SLC16A9: variants seen among roughly 807,000 people sequenced by gnomAD.
The protein encoded by SLC16A9 is solute carrier family 16 member 9.
In SLC16A9, 26 loss-of-function variants were observed where a neutral mutation model predicts 44.3. The ratio of observed to expected loss-of-function variants is 0.59; its 90% CI spans 0.43 to 0.81. The LOEUF (loss-of-function observed/expected upper bound fraction) is 0.81. Among genes scored for constraint, SLC16A9 ranks in the 40% least tolerant of loss-of-function variants. The pLI is 0.00. For missense variants in SLC16A9, 559 were observed against 595.8 expected, an observed-to-expected ratio of 0.94 and a Z score of 0.64; for synonymous variants, 230 against 225.1, an observed-to-expected ratio of 1.02 and a Z score of -0.19.
intron 1 of SLC16A9, among the ~76,000 whole-genome samples, chr10:59,704,258 TC>T (rs532550844): frequency 9.9e-5 from 15 of 152,224 alleles, no homozygotes; most frequent in Non-Finnish European, 1.8e-4. Flanking sequence ...ACCTGTGCTA[TC>T]CCCCATACCT....
chr10:59,706,711 G>A (rs929085527), intron 1 of SLC16A9, among the ~76,000 whole-genome samples: 1 of 151,614 alleles, frequency 6.6e-6, no homozygotes, highest in Non-Finnish European at 1.5e-5. Context: ...GGTGGCTCAC[G>A]CCTGTAATCC....
intron 1 of SLC16A9, among the ~76,000 whole-genome samples, 157 bp downstream of exon 1, chr10:59,709,322 G>A (rs890771877): frequency 1.3e-5 from 2 of 152,152 alleles, no homozygotes; most frequent in Admixed American, 1.3e-4. Flanking sequence ...GACACTCGAA[G>A]CCCCCGGCAC....
chr10:59,692,450 T>C (rs906488490), intron 1 of SLC16A9, among the ~76,000 whole-genome samples: 1 of 152,194 alleles, frequency 6.6e-6, no homozygotes, highest in African/African-American at 2.4e-5. Flanking sequence ...CTTTGTGGGA[T>C]GATGAAAACA....
chr10:59,695,821 G>C (rs10993966), intron 1 of SLC16A9, among the ~76,000 whole-genome samples: 1 of 152,202 alleles, frequency 6.6e-6, no homozygotes, highest in Admixed American at 6.5e-5. Flanking sequence ...GTCAACATCA[G>C]TGTCCTTGGG....
intron 3 of SLC16A9, among the ~76,000 whole-genome samples, chr10:59,672,045 G>A (rs1357888932): frequency 6.6e-6 from 1 of 152,184 alleles, no homozygotes; most frequent in African/African-American, 2.4e-5. Context: ...CAGGCATTAA[G>A]AAGAAACTTG....
chr10:59,680,128 C>G (rs1417953390), intron 2 of SLC16A9, among the ~76,000 whole-genome samples: 3 of 152,070 alleles, frequency 2.0e-5, no homozygotes, highest in Non-Finnish European at 2.9e-5. Context: ...AATGTATAAC[C>G]CAGGAGGGTA....
intron 1 of SLC16A9, among the ~76,000 whole-genome samples, chr10:59,707,849 T>C (rs1203930081): frequency 1.3e-5 from 2 of 152,186 alleles, no homozygotes; most frequent in African/African-American, 2.4e-5. Context: ...CACCATAATG[T>C]GTCCTGATAA....
intron 5 of SLC16A9, among the ~76,000 whole-genome samples, chr10:59,653,389 G>A (rs1295514033): frequency 8.5e-6 from 1 of 118,222 alleles, no homozygotes; most frequent in Admixed American, 1.3e-4. Context: ...TCACGCAATT[G>A]CACTCCAGCC....
chr10:59,701,176 C>A (rs1588999032), intron 1 of SLC16A9, among the ~76,000 whole-genome samples: 1 of 152,326 alleles, frequency 6.6e-6, no homozygotes, highest in East Asian at 1.9e-4. Flanking sequence ...TCATTGCATT[C>A]CAGCTCTTCC....
At chr10:59,664,694 C>T (rs923894047) in intron 3 of SLC16A9, among the ~76,000 whole-genome samples, 2 of 152,124 alleles carry the variant, frequency 1.3e-5, no homozygotes, top group African/African-American at 4.8e-5. Flanking sequence ...CAAGTCCTTG[C>T]CCCCAGCTCA....
chr10:59,691,604 A>G (rs139538396), intron 1 of SLC16A9, among the ~76,000 whole-genome samples: 13 of 152,358 alleles, frequency 8.5e-5, no homozygotes, highest in African/African-American at 2.9e-4. Context: ...AAAGGATAGT[A>G]TATCTCCTAA....
At chr10:59,665,948 C>T (rs1839605370) in intron 3 of SLC16A9, among the ~76,000 whole-genome samples, 1 of 151,942 alleles carries the variant, frequency 6.6e-6, no homozygotes, top group African/African-American at 2.4e-5. Flanking sequence ...GATTACCTCA[C>T]TTTTTTTTAA....
At chr10:59,657,832 C>A (rs1055154697) in intron 4 of SLC16A9, among the ~76,000 whole-genome samples, 2 of 152,126 alleles carry the variant, frequency 1.3e-5, no homozygotes, top group Non-Finnish European at 2.9e-5. Context: ...AATTCTAAGC[C>A]ACCCAGCCAG....
chr10:59,659,811 C>T (rs1839431046), intron 4 of SLC16A9, among the ~76,000 whole-genome samples: 1 of 152,166 alleles, frequency 6.6e-6, no homozygotes, highest in African/African-American at 2.4e-5. Flanking sequence ...TCTCAGACCA[C>T]AGTGCAATCA....
rs1839232285 is a variant in SLC16A9 at position 59,652,734 on chromosome 10, G to A, written c.*38C>T. 1 of 1,532,148 alleles carries A rather than the reference G, an allele frequency of 6.5e-7. No homozygotes were observed. The highest frequency in any genetic ancestry group is 2.1e-5 in the Admixed American group (1 of 47,936). 94.9% of individuals were successfully genotyped at this position (1,532,148 alleles called of 1,614,324 possible). On this transcript the variant is annotated 3_prime_UTR_variant, in exon 6 of 6. Coordinates refer to ENST00000395348, the MANE Select transcript of SLC16A9 (RefSeq NM_194298.3). Reference sequence around the variant, plus strand: ...ATCTGTTAAAATATCGTTGCTATATGGTATAAAATAGCAAAAATAGTGTCT... The same window carrying A: ...ATCTGTTAAAATATCGTTGCTATATAGTATAAAATAGCAAAAATAGTGTCT...
At chr10:59,659,566 C>T (rs1417005546) in intron 4 of SLC16A9, among the ~76,000 whole-genome samples, 1 of 152,020 alleles carries the variant, frequency 6.6e-6, no homozygotes, top group Non-Finnish European at 1.5e-5. Flanking sequence ...TTTTAACATC[C>T]CTCTGTCAAT....
In SLC16A9 at chr10:59,651,613, C is replaced by A. The variant is rs560773543; in HGVS notation, c.*1159G>T. On this transcript the variant is annotated 3_prime_UTR_variant, in exon 6 of 6. Transcript: ENST00000395348. ...TTCTGATGCATACCAAAGTTTAAAA[C>A]CCATTTCTTTAGAAAAAAAATCAAT... 1 of 152,222 alleles carries A rather than the reference C, an allele frequency of 6.6e-6. No individual in the cohort carries two copies. The highest frequency in any genetic ancestry group is 2.1e-4 in the South Asian group (1 of 4,816). The allele number at this position is 152,222 out of a possible 1,614,324, so 9.4% of individuals were successfully genotyped here.
rs570369765 is a variant in SLC16A9 at position 59,697,787 on chromosome 10, A to T, written c.-37+11692T>A. Among the ~76,000 whole-genome samples, 100 of 150,130 alleles carry T rather than the reference A, an allele frequency of 6.7e-4. 1 individual carries two copies. Among genetic ancestry groups the T allele is most frequent in the Middle Eastern group, 3.4e-3 (1 of 292 alleles). On this transcript the variant is annotated intron_variant, in intron 1 of 5. Coordinates refer to ENST00000395348, the MANE Select transcript of SLC16A9 (RefSeq NM_194298.3). The stretch of plus-strand genomic sequence containing the variant: ...TAAATAATTAAAAAAATAAAAAAAT[A>T]AAAAAAAGATCAGAGGCTTCTTAAA...
rs138098377 is a variant in SLC16A9 at position 59,702,796 on chromosome 10, C to T, written c.-37+6683G>A. ...AGCTTTTTAAAAAAATCGAAATTGC[C>T]ATATTAACTTCTACAAGTCAAACAC... On this transcript the variant is annotated intron_variant, in intron 1 of 5. Transcript: ENST00000395348. Among the ~76,000 whole-genome samples, 86 of 152,232 alleles carry T rather than the reference C, an allele frequency of 5.6e-4. 1 individual carries two copies. In the East Asian group the frequency reaches 0.016, roughly 28 times the overall value.
Sources: allele counts gnomAD v4.1 joint callset (sites outside exome capture counted in the v4.1 genomes callset), GRCh38; gene constraint gnomAD v4.1.1; transcripts MANE v1.5; gene names NCBI Gene and HGNC (gene_info 2026-07-23, HGNC 2026-07-21).